PTPRG: variants seen among roughly 807,000 people sequenced by gnomAD.
PTPRG encodes the protein receptor-type tyrosine-protein phosphatase gamma.
In PTPRG, 102 loss-of-function variants were observed where a neutral mutation model predicts 165.3. The ratio of observed to expected loss-of-function variants is 0.62; its 90% confidence interval spans 0.53 to 0.73. PTPRG has a LOEUF of 0.73. PTPRG is among the 30% of genes least tolerant of loss of function. PTPRG has a pLI of 0.00. For synonymous variants in PTPRG, 675 were observed against 669.5 expected (o/e 1.01, Z -0.13); for missense variants, 1,866 against 1,861.4 (o/e 1.00, Z -0.05).
chr3:62,073,484 ATTTTT>A (rs999167590), intron 4 of PTPRG, among the ~76,000 whole-genome samples: 1 of 148,288 alleles, frequency 6.7e-6, no homozygotes, highest in African/African-American at 2.5e-5. Context: ...GAAGATATAA[ATTTTT>A]TTTTTTTGAG....
rs374241237 is a variant in PTPRG, at chr3:62,078,234, C to A, written c.591C>A (p.Ile197=). ...CCGCAATTTCTGAGAACAGAATAATCGGAGCCATGGCCATATTTTTTCAAG... is the reference window on the plus strand; with the variant it reads ...CCGCAATTTCTGAGAACAGAATAATAGGAGCCATGGCCATATTTTTTCAAG... The part of the protein sequence containing the change: ...FQTAISENRI[I]GAMAIFFQVS... Residue 197 remains isoleucine, a synonymous_variant, in exon 5 of 30, where the codon ATC becomes ATA. Transcript: ENST00000474889. 46 of 1,605,424 alleles carry A rather than the reference C, an allele frequency of 2.9e-5. No individual in the cohort carries two copies. The South Asian group carries it at 4.8e-4, about 17-fold the overall frequency.
At position 62,222,252 on chromosome 3, in the gene PTPRG, G is replaced by A. The variant is rs1198795777; in HGVS notation, c.2288+3269G>A. ...TGGAATTGAGAAGTTCAGGAGCATT[G>A]GGCCTGGCTGAATTTGTAAGATGGA... On this transcript the variant is annotated intron_variant, in intron 13 of 29. Transcript: ENST00000474889. The surrounding 1 kb of genome is among the most constrained non-coding windows in gnomAD (Gnocchi z 4.5). 6.6e-6 allele frequency among the ~76,000 whole-genome samples: 1 copy of A among 152,184 alleles called. No individual in the cohort carries two copies. Among genetic ancestry groups the A allele is most frequent in the East Asian group, 1.9e-4 (1 of 5,200 alleles).
At chr3:61,873,186 T>C (rs1195905220) in intron 2 of PTPRG, among the ~76,000 whole-genome samples, 1 of 152,186 alleles carries the variant, frequency 6.6e-6, no homozygotes, top group African/African-American at 2.4e-5. Flanking sequence ...CTGGGTGACA[T>C]GTACAAGAAT....
At chr3:61,831,071 G>A (rs943414158) in intron 2 of PTPRG, among the ~76,000 whole-genome samples, 2 of 152,148 alleles carry the variant, frequency 1.3e-5, no homozygotes, top group Admixed American at 1.3e-4. Flanking sequence ...GAGGAATATC[G>A]GGTCAGTGAT....
rs939233363 is a variant in PTPRG, at chr3:62,252,842, T to A, written c.2468-2282T>A. ...GTAGCTGACAGTGGTCAGTACAGCATGCATCTGTATGTATGTCCGCCTGTC... is the reference window on the plus strand; with the variant it reads ...GTAGCTGACAGTGGTCAGTACAGCAAGCATCTGTATGTATGTCCGCCTGTC... On this transcript the variant is annotated intron_variant, in intron 15 of 29. Coordinates refer to ENST00000474889, the MANE Select transcript of PTPRG (RefSeq NM_002841.4). The surrounding 1 kb of genome is among the most constrained non-coding windows in gnomAD (Gnocchi z 4.6). Among the ~76,000 whole-genome samples the A allele has an allele frequency of 6.6e-6, 1 of 152,236 alleles. No homozygotes were observed. The highest frequency in any genetic ancestry group is 1.5e-5 in the Non-Finnish European group (1 of 68,040).
intron 2 of PTPRG, among the ~76,000 whole-genome samples, chr3:61,791,946 CAG>C (rs1490645033): frequency 2.0e-5 from 3 of 152,096 alleles, no homozygotes; most frequent in African/African-American, 7.2e-5. Flanking sequence ...TAATGATGTG[CAG>C]AGTTTTAAGA....
At chr3:61,725,581 C>G (rs991965888) in intron 1 of PTPRG, among the ~76,000 whole-genome samples, 9 of 152,040 alleles carry the variant, frequency 5.9e-5, no homozygotes, top group African/African-American at 2.2e-4. Context: ...TGAATCTCAG[C>G]CTATACCACA....
At chr3:62,243,259 CT>C (rs1191176655) in intron 14 of PTPRG, among the ~76,000 whole-genome samples, 1 of 152,076 alleles carries the variant, frequency 6.6e-6, no homozygotes, top group Non-Finnish European at 1.5e-5. Flanking sequence ...CAGATGTTGT[CT>C]GGCAAGGGCC....
intron 8 of PTPRG, among the ~76,000 whole-genome samples, chr3:62,172,370 T>C (rs188824465): frequency 2.0e-5 from 3 of 152,202 alleles, no homozygotes; most frequent in Non-Finnish European, 1.5e-5. Context: ...CCATCAACAG[T>C]GTATGAGGGT....
chr3:62,049,744 C>T (rs898004734), intron 4 of PTPRG, among the ~76,000 whole-genome samples: 11 of 152,194 alleles, frequency 7.2e-5, no homozygotes, highest in African/African-American at 1.2e-4. Context: ...GGTAGGTCAA[C>T]GGGAATTCAG....
chr3:62,016,467 G>C (rs753046814), intron 4 of PTPRG, among the ~76,000 whole-genome samples: 25 of 152,196 alleles, frequency 1.6e-4, no homozygotes, highest in Non-Finnish European at 3.4e-4. Flanking sequence ...CGCCCGGCCT[G>C]TATTAACTAT....
chr3:62,233,643 G>GCTGTTA lies in PTPRG; in HGVS notation c.2375+2334_2375+2339dup, dbSNP rs1354144591. Among the ~76,000 whole-genome samples, 1 of 152,128 alleles carries GCTGTTA rather than the reference G, an allele frequency of 6.6e-6. No homozygotes were observed. Among genetic ancestry groups the GCTGTTA allele is most frequent in the Non-Finnish European group, 1.5e-5 (1 of 68,028 alleles). ...TGCAACCCTCCAAACAGCTACAAGA[G>GCTGTTA]CTGTTACAGAATCCCTACACATTAA... is the stretch of plus-strand genomic sequence containing the variant. On this transcript the variant is annotated intron_variant, in intron 14 of 29. Transcript: ENST00000474889. This position sits in a 1 kb window ranked among gnomAD's most constrained non-coding sequence, Gnocchi z 4.7.
Position 62,217,711 on chromosome 3 carries a change from T to C in PTPRG, c.2156-1140T>C, listed in dbSNP as rs1401967597. ...TGCTTGCCTCTGTGCACCTGTGCTCTTCCCAGCCCCAGCACCCCAACCAGG... is the reference window on the plus strand; with the variant it reads ...TGCTTGCCTCTGTGCACCTGTGCTCCTCCCAGCCCCAGCACCCCAACCAGG... On this transcript the variant is annotated intron_variant, in intron 12 of 29. Transcript: ENST00000474889. The surrounding 1 kb of genome is among the most constrained non-coding windows in gnomAD (Gnocchi z 4.3). 2 of 152,460 alleles carry C rather than the reference T, an allele frequency of 1.3e-5. No homozygotes were observed. The highest frequency in any genetic ancestry group is 2.9e-5 in the Non-Finnish European group (2 of 68,272). 9.4% of individuals were successfully genotyped at this position (152,460 alleles called of 1,614,324 possible).
rs1162537973 is a variant in PTPRG at position 62,296,191 on chromosome 3, T to C, written c.*2884T>C. 1 of 152,044 alleles carries C rather than the reference T, an allele frequency of 6.6e-6. No homozygotes were observed. The allele number at this position is 152,044 out of a possible 1,614,324, so 9.4% of individuals were successfully genotyped here. On this transcript the variant is annotated 3_prime_UTR_variant, in exon 30 of 30. Transcript: ENST00000474889. ...TCTTCTTTAATATGAAAAAAGTTAA[T>C]TTCTGAATTTCAAAAAGAGTAAGAT...
At chr3:61,942,059 T>C (rs1234502109) in intron 2 of PTPRG, among the ~76,000 whole-genome samples, 1 of 151,432 alleles carries the variant, frequency 6.6e-6, no homozygotes, top group Non-Finnish European at 1.5e-5. Flanking sequence ...CTTGGGAGGC[T>C]GAGATAGGAG....
At chr3:61,670,912 TG>T (rs1203237922) in intron 1 of PTPRG, among the ~76,000 whole-genome samples, 1 of 151,974 alleles carries the variant, frequency 6.6e-6, no homozygotes, top group Admixed American at 6.6e-5. Context: ...TGACTTGGGG[TG>T]GGGAGTGTGA....
At chr3:61,660,166 A>G (rs1455294211) in intron 1 of PTPRG, among the ~76,000 whole-genome samples, 1 of 152,212 alleles carries the variant, frequency 6.6e-6, no homozygotes, top group Admixed American at 6.5e-5. Flanking sequence ...TAGAGGTTGT[A>G]GTGAGGTCAG....
intron 2 of PTPRG, among the ~76,000 whole-genome samples, chr3:61,772,967 A>G (rs1364680072): frequency 2.0e-5 from 3 of 152,228 alleles, no homozygotes; most frequent in Admixed American, 6.5e-5. Flanking sequence ...TATAGACTGA[A>G]AATAAGTGAA....
intron 5 of PTPRG, among the ~76,000 whole-genome samples, chr3:62,122,816 G>T (rs1393378926): frequency 6.6e-6 from 1 of 152,124 alleles, no homozygotes; most frequent in South Asian, 2.1e-4. Flanking sequence ...TCCATGAGGG[G>T]CAAGAACTCA....
Sources: gnomAD v4.1 joint callset for allele counts (sites outside exome capture counted in the v4.1 genomes callset) on GRCh38, gnomAD v4.1.1 for gene constraint, Gnocchi (gnomAD v3.1) non-coding constraint, MANE v1.5 for transcripts, NCBI Gene and HGNC (gene_info 2026-07-23, HGNC 2026-07-21) for gene names.